Variants in RBFOX1 observed in about 807,000 individuals in gnomAD.
RBFOX1 encodes the protein RNA binding protein fox-1 homolog 1.
RBFOX1 carries 8 observed loss-of-function variants against 57.7 expected under a neutral mutation model. That is an observed-to-expected ratio of 0.14 (90% CI 0.08 to 0.25). RBFOX1 has a LOEUF of 0.25. RBFOX1 is among the 10% of genes least tolerant of loss of function. The probability of loss-of-function intolerance (pLI) is 1.00; values close to 1 mark genes in which losing one functional copy is unlikely to be tolerated. For missense variants in RBFOX1, 611 were observed against 548.5 expected (o/e 1.11, Z -1.14); for synonymous variants, 326 against 222.4 (o/e 1.47, Z -4.15).
intron 1 of RBFOX1, among the ~76,000 whole-genome samples, chr16:5,415,106 G>T (rs556587623): frequency 2.6e-5 from 4 of 152,152 alleles, no homozygotes; most frequent in Admixed American, 2.6e-4. Flanking sequence ...TAATCACACC[G>T]TGTATTAGTC....
At chr16:6,752,842 G>T (rs7199937) in intron 3 of RBFOX1, among the ~76,000 whole-genome samples, 1 of 151,388 alleles carries the variant, frequency 6.6e-6, no homozygotes. Flanking sequence ...GCAGGGTTCT[G>T]TGTTCTCTGT....
At chr16:6,362,613 C>T (rs2088787141) in intron 2 of RBFOX1, among the ~76,000 whole-genome samples, 1 of 152,150 alleles carries the variant, frequency 6.6e-6, no homozygotes, top group African/African-American at 2.4e-5. Context: ...AGGTAGAGGG[C>T]AGAGTAAATG....
At chr16:5,672,987 C>G (rs2050058558) in intron 3 of RBFOX1, among the ~76,000 whole-genome samples, 1 of 151,882 alleles carries the variant, frequency 6.6e-6, no homozygotes, top group Non-Finnish European at 1.5e-5. Context: ...AGTAATTGCT[C>G]AGAAACGTGC....
chr16:7,020,918 G>A (rs1275388478), intron 3 of RBFOX1, among the ~76,000 whole-genome samples: 2 of 152,276 alleles, frequency 1.3e-5, no homozygotes, highest in East Asian at 3.9e-4. Context: ...CTTGAGGCCA[G>A]GAGTTCTAGA....
At chr16:5,596,378 G>A (rs1162881803) in intron 2 of RBFOX1, among the ~76,000 whole-genome samples, 1 of 152,182 alleles carries the variant, frequency 6.6e-6, no homozygotes, top group Admixed American at 6.5e-5. Context: ...TTGCTACGAA[G>A]CCAATACTGG....
chr16:5,971,342 G>C (rs1005766823), intron 4 of RBFOX1, among the ~76,000 whole-genome samples: 2 of 152,238 alleles, frequency 1.3e-5, no homozygotes, highest in African/African-American at 2.4e-5. Context: ...CTCAAGAAGA[G>C]GAAGAGGAAG....
chr16:7,013,923 G>T (rs940498424), intron 3 of RBFOX1, among the ~76,000 whole-genome samples: 11 of 152,114 alleles, frequency 7.2e-5, no homozygotes, highest in Non-Finnish European at 1.0e-4. Context: ...CTCCCAAAGG[G>T]CTGGGATTAC....
chr16:6,279,380 C>T (rs1319028956), intron 1 of RBFOX1, among the ~76,000 whole-genome samples: 1 of 152,170 alleles, frequency 6.6e-6, no homozygotes, highest in East Asian at 1.9e-4. Flanking sequence ...GAAGGGGAGA[C>T]TGTAGATTCC....
At chr16:5,590,069 ACACACAC>A (rs200043179) in intron 2 of RBFOX1, among the ~76,000 whole-genome samples, 30,237 of 151,496 alleles carry the variant, frequency 0.2, 3,325 homozygotes, top group African/African-American at 0.29. Flanking sequence ...ACACACACAC[ACACACAC>A]AAAAAGGGCA....
At chr16:5,630,715 G>C (rs527595226) in intron 3 of RBFOX1, among the ~76,000 whole-genome samples, 1 of 152,036 alleles carries the variant, frequency 6.6e-6, no homozygotes, top group Non-Finnish European at 1.5e-5. Flanking sequence ...TGATGGACGT[G>C]GGCTTGTCAT....
Position 5,745,362 on chromosome 16 carries a change from T to G in RBFOX1, c.319-121941T>G, listed in dbSNP as rs555325424. On this transcript the variant is annotated intron_variant, in intron 3 of 19. Transcript: ENST00000641259. ...TATCATTGATGGACATTTGGGTTGG[T>G]TCCAAGTCTTTACTATTGTGAATAG... Among the ~76,000 whole-genome samples the G allele has an allele frequency of 5.3e-5, 8 of 152,334 alleles. No individual in the cohort carries two copies. The East Asian group carries it at 1.5e-3, about 29-fold the overall frequency.
At chr16:5,389,138 C>T (rs1402110487) in intron 1 of RBFOX1, among the ~76,000 whole-genome samples, 6 of 151,694 alleles carry the variant, frequency 4.0e-5, no homozygotes. Context: ...TTGCAGTGAG[C>T]CGAGATCGCG....
intron 5 of RBFOX1, among the ~76,000 whole-genome samples, chr16:7,571,212 AG>A (rs1182709528): frequency 7.8e-6 from 1 of 128,758 alleles, no homozygotes; most frequent in Non-Finnish European, 1.8e-5. Flanking sequence ...AACTTAAGGA[AG>A]AAAAAAAAAT....
chr16:6,212,109 C>T (rs78673271), intron 1 of RBFOX1, among the ~76,000 whole-genome samples: 13,526 of 152,004 alleles, frequency 0.089, 823 homozygotes, highest in South Asian at 0.26. Context: ...CTGCCAACCT[C>T]GGCCTCCCAA....
At chr16:6,839,166 G>A (rs1363813234) in intron 3 of RBFOX1, among the ~76,000 whole-genome samples, 1 of 144,192 alleles carries the variant, frequency 6.9e-6, no homozygotes, top group East Asian at 1.9e-4. Context: ...TGTATTTCTT[G>A]TAGAGACAGG....
At chr16:6,571,498 T>C (rs1311866983) in intron 2 of RBFOX1, among the ~76,000 whole-genome samples, 1 of 152,180 alleles carries the variant, frequency 6.6e-6, no homozygotes, top group Non-Finnish European at 1.5e-5. Context: ...TGAGTTTTTC[T>C]ACTTGGGTGA....
intron 1 of RBFOX1, chr16:5,366,792 C>T (rs2151357609): frequency 7.6e-6 from 2 of 262,418 alleles, no homozygotes; most frequent in South Asian, 9.2e-5. Context: ...GATAAATTTC[C>T]CTATCGTGTT....
At chr16:6,554,695 C>T (rs1000862705) in intron 2 of RBFOX1, among the ~76,000 whole-genome samples, 1 of 151,870 alleles carries the variant, frequency 6.6e-6, no homozygotes, top group East Asian at 1.9e-4. Context: ...TGGAAATCTT[C>T]AGTCCATCCT....
intron 3 of RBFOX1, among the ~76,000 whole-genome samples, chr16:6,808,545 C>G (rs956794165): frequency 1.3e-5 from 2 of 152,096 alleles, no homozygotes; most frequent in African/African-American, 2.4e-5. Context: ...TTTGCATACT[C>G]AACAAACATT....
Sources: allele counts gnomAD v4.1 joint callset (sites outside exome capture counted in the v4.1 genomes callset), GRCh38; gene constraint gnomAD v4.1.1; transcripts MANE v1.5; gene names NCBI Gene and HGNC (gene_info 2026-07-23, HGNC 2026-07-21).